EPS15L1: variants seen among roughly 807,000 people sequenced by gnomAD.
The protein encoded by EPS15L1 is epidermal growth factor receptor pathway substrate 15 like 1.
Under a neutral mutation model 117.1 loss-of-function variants are expected in EPS15L1, and 43 were observed. The observed-to-expected ratio is 0.37, with a 90% CI of 0.29 to 0.47. The LOEUF is 0.47. EPS15L1 is among the 20% of genes least tolerant of loss of function. The probability of loss-of-function intolerance (pLI) is 0.99; values close to 1 mark genes in which losing one functional copy is unlikely to be tolerated. For synonymous variants in EPS15L1, 459 were observed against 470.5 expected (o/e 0.98, Z 0.32); for missense variants, 981 against 1,164.0 (o/e 0.84, Z 2.29).
chr19:16,459,935 T>C (rs1025354465), intron 1 of EPS15L1, among the ~76,000 whole-genome samples: 3 of 152,190 alleles, frequency 2.0e-5, no homozygotes, highest in Non-Finnish European at 4.4e-5. Context: ...TGGTAGCCAT[T>C]TGCTCTCTCA....
At chr19:16,430,696 T>C (rs2092919333) in intron 7 of EPS15L1, among the ~76,000 whole-genome samples, 1 of 152,230 alleles carries the variant, frequency 6.6e-6, no homozygotes, top group Non-Finnish European at 1.5e-5. Context: ...GAAAAATGCT[T>C]ACTGAATGAC....
rs1000525662 is a variant in EPS15L1 at position 16,358,984 on chromosome 19, G to A, written c.2586+2795C>T. Among the ~76,000 whole-genome samples the A allele has an allele frequency of 3.9e-5, 6 of 152,176 alleles. 1 individual carries two copies. The highest frequency in any genetic ancestry group is 1.9e-4 in the East Asian group (1 of 5,200). On this transcript the variant is annotated intron_variant, in intron 23 of 23. Transcript: ENST00000455140. ...ATACCAGAGAGGGAAGAGGTTTCCC[G>A]GGAACAGCCACACACGCAAATAACC...
At chr19:16,362,968 C>G (rs1466049301) in intron 22 of EPS15L1, among the ~76,000 whole-genome samples, 2 of 152,142 alleles carry the variant, frequency 1.3e-5, no homozygotes, top group Non-Finnish European at 2.9e-5. Flanking sequence ...GAGAAGTGTT[C>G]AGAAATGGAG....
intron 1 of EPS15L1, among the ~76,000 whole-genome samples, chr19:16,463,903 G>C (rs960697066): frequency 2.6e-5 from 4 of 152,234 alleles, no homozygotes; most frequent in African/African-American, 9.6e-5. Flanking sequence ...ATTCCAGAGA[G>C]AGGGAATAGC....
At chr19:16,453,720 A>G (rs1568464551) in intron 1 of EPS15L1, among the ~76,000 whole-genome samples, 1 of 151,176 alleles carries the variant, frequency 6.6e-6, no homozygotes, top group Admixed American at 6.6e-5. Context: ...CTCAAAAAAA[A>G]GAAAAAAAAA....
In EPS15L1 at chr19:16,422,822, G is replaced by C. The variant is rs141813054; in HGVS notation, c.793-1346C>G. Among the ~76,000 whole-genome samples the C allele has an allele frequency of 2.4e-3, 373 of 152,276 alleles. 2 individuals carry two copies. The highest frequency in any genetic ancestry group is 7.2e-3 in the African/African-American group (301 of 41,542). On this transcript the variant is annotated intron_variant, in intron 9 of 23. Transcript: ENST00000455140. ...AAACACGAAAAATTAGCCAGGTGTG[G>C]TGGTAGGCACCTGTGATCCCAGCTA...
In EPS15L1 at chr19:16,404,509, G is replaced by A. The variant is rs2092635162; in HGVS notation, c.1428+79C>T. On this transcript the variant is annotated intron_variant, in intron 14 of 23. Transcript: ENST00000455140. This position sits in a 1 kb window ranked among gnomAD's most constrained non-coding sequence, Gnocchi z 4.2. ...AGGATGTCTAAGTGTTGTGTTCCCA[G>A]GTAACACGAGCTCAGGGGAGTCCTT... 2 of 1,506,478 alleles carry A rather than the reference G, an allele frequency of 1.3e-6. No homozygotes were observed. Among genetic ancestry groups the A allele is most frequent in the East Asian group, 2.3e-5 (1 of 44,154 alleles). The allele number at this position is 1,506,478 out of a possible 1,614,324, so 93.3% of individuals were successfully genotyped here. A position where few individuals can be genotyped will look rare whatever the true frequency, so the allele number is the denominator to read the frequency against.
At chr19:16,364,132 C>G (rs1016199838) in intron 22 of EPS15L1, among the ~76,000 whole-genome samples, 6 of 152,206 alleles carry the variant, frequency 3.9e-5, no homozygotes, top group African/African-American at 1.2e-4. Context: ...TATTAGGACT[C>G]ACATGGATGA....
intron 1 of EPS15L1, among the ~76,000 whole-genome samples, chr19:16,457,475 G>A (rs1459770151): frequency 6.6e-6 from 1 of 152,166 alleles, no homozygotes; most frequent in Non-Finnish European, 1.5e-5. Context: ...CACCAAAGCA[G>A]TGCCAGAGAC....
At chr19:16,378,116 GTGGA>G (rs752671351) in intron 21 of EPS15L1, among the ~76,000 whole-genome samples, 3 of 152,028 alleles carry the variant, frequency 2.0e-5, no homozygotes, top group Non-Finnish European at 4.4e-5. Flanking sequence ...TGGCGGGTGG[GTGGA>G]TGGATGGATG....
intron 4 of EPS15L1, among the ~76,000 whole-genome samples, chr19:16,438,118 C>T (rs538747772): frequency 1.3e-5 from 2 of 152,114 alleles, no homozygotes; most frequent in African/African-American, 2.4e-5. Flanking sequence ...TTTGGGAGAC[C>T]GAGGCAGGTG....
At chr19:16,457,786 A>T (rs564867927) in intron 1 of EPS15L1, among the ~76,000 whole-genome samples, 12 of 151,876 alleles carry the variant, frequency 7.9e-5, no homozygotes, top group African/African-American at 2.9e-4. Flanking sequence ...GAACAGACCT[A>T]TTCAGTTCCA....
intron 1 of EPS15L1, among the ~76,000 whole-genome samples, chr19:16,452,172 GCAGTGGCTCACGCCTGT>G (rs1438097977): frequency 8.0e-5 from 12 of 149,882 alleles, no homozygotes; most frequent in African/African-American, 2.7e-4. Context: ...GAGGCTGGGT[GCAGTGGCTCACGCCTGT>G]CATCCCAGCA....
At chr19:16,457,111 T>C (rs2093205068) in intron 1 of EPS15L1, among the ~76,000 whole-genome samples, 1 of 152,170 alleles carries the variant, frequency 6.6e-6, no homozygotes, top group South Asian at 2.1e-4. Context: ...GCCTGGGGAC[T>C]GCAGCGACTC....
At chr19:16,455,152 C>T (rs2145148685) in intron 1 of EPS15L1, among the ~76,000 whole-genome samples, 1 of 152,226 alleles carries the variant, frequency 6.6e-6, no homozygotes. Flanking sequence ...AGAGACAGCT[C>T]TGTTGTCCAG....
intron 1 of EPS15L1, 80 bp from the exon 2 acceptor site, chr19:16,442,299 C>T: frequency 9.1e-7 from 1 of 1,100,828 alleles, no homozygotes; most frequent in East Asian, 2.4e-5. Flanking sequence ...TCAATTTTGT[C>T]ATGACCAAAA....
intron 1 of EPS15L1, among the ~76,000 whole-genome samples, chr19:16,465,020 A>G (rs933475198): frequency 6.6e-6 from 1 of 151,970 alleles, no homozygotes; most frequent in African/African-American, 2.4e-5. Context: ...CGGAGCTTGC[A>G]GTGAGCCGAA....
At chr19:16,438,674 T>A (rs1354208763) in intron 4 of EPS15L1, among the ~76,000 whole-genome samples, 1 of 152,076 alleles carries the variant, frequency 6.6e-6, no homozygotes, top group Non-Finnish European at 1.5e-5. Flanking sequence ...GGACCACAGG[T>A]GTGCACCACT....
intron 16 of EPS15L1, chr19:16,401,529 G>A (rs750608389): frequency 3.6e-5 from 35 of 985,524 alleles, no homozygotes; most frequent in African/African-American, 1.2e-4. Context: ...CCAGACATGC[G>A]CGGCCCGGCC....
Sources: allele counts gnomAD v4.1 joint callset (sites outside exome capture counted in the v4.1 genomes callset), GRCh38; gene constraint gnomAD v4.1.1; non-coding constraint Gnocchi (gnomAD v3.1); transcripts MANE v1.5; gene names NCBI Gene and HGNC (gene_info 2026-07-23, HGNC 2026-07-21).